The following MTOR variants were observed in gnomAD, a reference collection of about 807,000 sequenced individuals.
The protein encoded by MTOR is mechanistic target of rapamycin kinase, also known as serine/threonine-protein kinase mTOR.
Under a neutral mutation model 319.8 loss-of-function variants are expected in MTOR, and 70 were observed. That is an observed-to-expected ratio of 0.22 (90% confidence interval 0.18 to 0.27). The LOEUF (loss-of-function observed/expected upper bound fraction) is 0.27. Ranked by LOEUF, MTOR falls within the 10% of genes least tolerant of loss-of-function variation. The probability of loss-of-function intolerance (pLI) is 1.00; values close to 1 mark genes in which losing one functional copy is unlikely to be tolerated. For missense variants in MTOR, 1,890 were observed against 3,274.4 expected (o/e 0.58, Z 10.32); for synonymous variants, 1,183 against 1,211.4 (o/e 0.98, Z 0.49).
chr1:11,149,722 G>A (rs1447563688), intron 31 of MTOR, among the ~76,000 whole-genome samples: 2 of 152,112 alleles, frequency 1.3e-5, no homozygotes, highest in African/African-American at 4.8e-5. Flanking sequence ...TAACCTGTGG[G>A]ATCTGATGCT....
rs1450134484 is a variant in MTOR, at chr1:11,121,594, CA to C, written c.6811-227del. 6.6e-6 allele frequency among the ~76,000 whole-genome samples: 1 copy of C among 152,200 alleles called. No individual in the cohort carries two copies. The highest frequency in any genetic ancestry group is 6.5e-5 in the Admixed American group (1 of 15,284). On this transcript the variant is annotated intron_variant, in intron 48 of 57. Coordinates refer to ENST00000361445, the MANE Select transcript of MTOR (RefSeq NM_004958.4). The surrounding 1 kb of genome is among the most constrained non-coding windows in gnomAD (Gnocchi z 4.9). ...AAGGGAAAAACACGAGACTTCACCTCAGTTATAGGCCTTCTGTGCAGATGAG... is the reference window on the plus strand; with the variant it reads ...AAGGGAAAAACACGAGACTTCACCTCGTTATAGGCCTTCTGTGCAGATGAG...
At chr1:11,218,235 G>A (rs1233197819) in intron 19 of MTOR, among the ~76,000 whole-genome samples, 2 of 152,030 alleles carry the variant, frequency 1.3e-5, no homozygotes, top group Non-Finnish European at 2.9e-5. Flanking sequence ...TTTGAGATCA[G>A]CCTGGCCAAC....
rs1649059913 is a variant in MTOR at position 11,247,899 on chromosome 1, C to A, written c.1036G>T (p.Gly346Trp). The change falls in exon 7 of 58, where the codon GGG (glycine) becomes TGG (tryptophan). Residue 346 changes from glycine to tryptophan, a missense_variant. This residue lies in a region of MTOR where 418 missense variants were observed against 543.1 expected (regional missense o/e 0.77). Coordinates refer to ENST00000361445, the MANE Select transcript of MTOR (RefSeq NM_004958.4). ...YSSHQGLMGF[G>W]TSPSPAKSTL... ...GACTTAGCTGGACTGGGGGAGGTCC[C>A]AAATCCCATGAGGCCTTGGTGAGAG... is the stretch of plus-strand genomic sequence containing the variant. 1.2e-6 allele frequency: 2 copies of A among 1,614,056 alleles called. No individual in the cohort carries two copies. Among genetic ancestry groups the A allele is most frequent in the African/African-American group, 2.7e-5 (2 of 74,918 alleles).
chr1:11,198,250 C>T (rs369950075), intron 28 of MTOR, among the ~76,000 whole-genome samples: 2 of 152,160 alleles, frequency 1.3e-5, no homozygotes, highest in Admixed American at 6.5e-5. Flanking sequence ...CCTCAGAGGA[C>T]GGCATGTTTT....
chr1:11,232,904 A>C (rs1647069782), intron 15 of MTOR: 1 of 616,514 alleles, frequency 1.6e-6, no homozygotes, highest in Non-Finnish European at 2.9e-6. Flanking sequence ...ATTTTTTTTA[A>C]AAAAGCCCTC....
chr1:11,107,011 G>T lies in MTOR; in HGVS notation c.*474C>A. 1.5e-6 allele frequency: 2 copies of T among 1,370,946 alleles called. No homozygotes were observed. Among genetic ancestry groups the T allele is most frequent in the Non-Finnish European group, 9.6e-7 (1 of 1,039,010 alleles). 84.9% of individuals were successfully genotyped at this position (1,370,946 alleles called of 1,614,324 possible). On this transcript the variant is annotated 3_prime_UTR_variant, in exon 58 of 58. Transcript: ENST00000361445. ...AGTGAGGTCTTGGGATAGGTGGCAGGGGTGAGGTCAGCATCTTCTGTGTCT... is the reference window on the plus strand; with the variant it reads ...AGTGAGGTCTTGGGATAGGTGGCAGTGGTGAGGTCAGCATCTTCTGTGTCT...
At chr1:11,183,469 T>C (rs1034754319) in intron 28 of MTOR, among the ~76,000 whole-genome samples, 2 of 152,130 alleles carry the variant, frequency 1.3e-5, no homozygotes, top group Non-Finnish European at 2.9e-5. Flanking sequence ...ACCTTTTTCC[T>C]CCTTATTGTT....
intron 5 of MTOR, 38 bp downstream of exon 5, chr1:11,255,954 G>A (rs1482953284): frequency 1.3e-6 from 2 of 1,590,696 alleles, no homozygotes. Context: ...CTACGCAGAT[G>A]TGCTTTGCTA....
Position 11,112,107 on chromosome 1 carries a change from T to C in MTOR, c.7366+745A>G, listed in dbSNP as rs989425064. On this transcript the variant is annotated intron_variant, in intron 54 of 57. Coordinates refer to ENST00000361445, the MANE Select transcript of MTOR (RefSeq NM_004958.4). ...TTCCACACACAAAAAGGACTCTGGC[T>C]CTCAGAGGGACACAAGTCTTCTAGA... Among the ~76,000 whole-genome samples, 6 of 152,264 alleles carry C rather than the reference T, an allele frequency of 3.9e-5. No homozygotes were observed. The South Asian group carries it at 1.2e-3, about 32-fold the overall frequency.
intron 4 of MTOR, among the ~76,000 whole-genome samples, chr1:11,256,477 C>T (rs1650418518): frequency 6.6e-6 from 1 of 152,188 alleles, no homozygotes; most frequent in Non-Finnish European, 1.5e-5. Context: ...ATACTAACAG[C>T]CTAGAACTCT....
chr1:11,243,003 C>G (rs1648284432), intron 9 of MTOR, 111 bp downstream of exon 9: 1 of 1,107,692 alleles, frequency 9.0e-7, no homozygotes, highest in Non-Finnish European at 1.3e-6. Context: ...TTGCTATACC[C>G]TGGAGTTTAA....
chr1:11,127,889 T>C lies in MTOR; in HGVS notation c.6034-83A>G. 6.3e-7 allele frequency: 1 copy of C among 1,578,548 alleles called. No individual in the cohort carries two copies. Among genetic ancestry groups the C allele is most frequent in the Non-Finnish European group, 8.6e-7 (1 of 1,163,108 alleles). On this transcript the variant is annotated intron_variant, in intron 43 of 57. Coordinates refer to ENST00000361445, the MANE Select transcript of MTOR (RefSeq NM_004958.4). The surrounding 1 kb of genome is among the most constrained non-coding windows in gnomAD (Gnocchi z 5.5). Reference sequence around the variant, plus strand: ...TGTTTTGGAGACACAGGAGGTACTATTTCCAGCAGTCAGAGGAAGTGCACA... The same window carrying C: ...TGTTTTGGAGACACAGGAGGTACTACTTCCAGCAGTCAGAGGAAGTGCACA...
rs1200084173 is a variant in MTOR, at chr1:11,106,711, T to C, written c.*774A>G. 6 of 1,188,618 alleles carry C rather than the reference T, an allele frequency of 5.0e-6. No homozygotes were observed. Among genetic ancestry groups the C allele is most frequent in the Non-Finnish European group, 6.3e-6 (6 of 947,584 alleles). 73.6% of individuals were successfully genotyped at this position (1,188,618 alleles called of 1,614,324 possible). A position where few individuals can be genotyped will look rare whatever the true frequency, so the allele number is the denominator to read the frequency against. ...AGCACCTCCATGACAGTATTTCTGTTTTCTGAGCCCTTGCTCTAAACAGAG... is the reference window on the plus strand; with the variant it reads ...AGCACCTCCATGACAGTATTTCTGTCTTCTGAGCCCTTGCTCTAAACAGAG... On this transcript the variant is annotated 3_prime_UTR_variant, in exon 58 of 58. Transcript: ENST00000361445.
At chr1:11,168,102 C>T (rs998311514) in intron 28 of MTOR, among the ~76,000 whole-genome samples, 4 of 151,888 alleles carry the variant, frequency 2.6e-5, no homozygotes, top group East Asian at 1.9e-4. Flanking sequence ...GACTGGTTTC[C>T]TCTCAGACGC....
chr1:11,135,781 C>T (rs1643383186), intron 36 of MTOR, among the ~76,000 whole-genome samples: 1 of 149,224 alleles, frequency 6.7e-6, no homozygotes, highest in Non-Finnish European at 1.5e-5. Context: ...TGTAGTGGGC[C>T]AAGATCGTGC....
rs1467280826 is a variant in MTOR at position 11,109,855 on chromosome 1, A to G, written c.7367-126T>C. 5.2e-6 allele frequency: 4 copies of G among 768,660 alleles called. No individual in the cohort carries two copies. Among genetic ancestry groups the G allele is most frequent in the Non-Finnish European group, 8.7e-6 (4 of 458,154 alleles). 47.6% of individuals were successfully genotyped at this position (768,660 alleles called of 1,614,324 possible). On this transcript the variant is annotated intron_variant, in intron 54 of 57. Transcript: ENST00000361445. The surrounding 1 kb of genome is among the most constrained non-coding windows in gnomAD (Gnocchi z 4.0). ...CCCTACCTACCCTAAAGGGGAAAAG[A>G]GAAGGAAAGTTTTATGTTACTCTTT...
intron 30 of MTOR, among the ~76,000 whole-genome samples, chr1:11,155,966 T>G (rs918057099): frequency 6.6e-6 from 1 of 152,192 alleles, no homozygotes; most frequent in Non-Finnish European, 1.5e-5. Flanking sequence ...CATGGAACTT[T>G]GTTTTAGTCA....
At chr1:11,234,306 A>G in intron 13 of MTOR, 41 bp from the exon 14 acceptor site, 11 of 1,569,302 alleles carry the variant, frequency 7.0e-6, no homozygotes, top group Non-Finnish European at 9.5e-6. Context: ...ATGGCAGAAG[A>G]CATTCTAGAG....
intron 31 of MTOR, among the ~76,000 whole-genome samples, chr1:11,147,959 T>C (rs1031718523): frequency 3.3e-5 from 5 of 152,078 alleles, no homozygotes; most frequent in Admixed American, 1.3e-4. Context: ...AAGAGGAGAA[T>C]AGAGACAATA....
Sources: allele counts gnomAD v4.1 joint callset (sites outside exome capture counted in the v4.1 genomes callset), GRCh38; gene constraint gnomAD v4.1.1; regional missense constraint gnomAD v4.1.1; non-coding constraint Gnocchi (gnomAD v3.1); transcripts MANE v1.5; gene names NCBI Gene and HGNC (gene_info 2026-07-23, HGNC 2026-07-21).